Variants in UBFD1 observed in about 807,000 individuals in gnomAD.
UBFD1 encodes ubiquitin family domain containing 1.
Under a neutral mutation model 35.1 loss-of-function variants are expected in UBFD1, and 12 were observed. That is an observed-to-expected ratio of 0.34 (90% confidence interval 0.22 to 0.55). The LOEUF (loss-of-function observed/expected upper bound fraction) is 0.55, where lower values mean the gene tolerates loss of function less well. UBFD1 is among the 20% of genes least tolerant of loss of function. UBFD1 has a pLI of 0.89. For missense variants in UBFD1, 337 were observed against 410.8 expected (o/e 0.82, Z 1.55); for synonymous variants, 178 against 167.6 (o/e 1.06, Z -0.48).
At chr16:23,564,124 G>A (rs905786259) in intron 5 of UBFD1, 2 of 152,216 alleles carry the variant, frequency 1.3e-5, no homozygotes, top group Non-Finnish European at 2.9e-5. Flanking sequence ...ATGCTAAAGA[G>A]AAGTATAGGG....
chr16:23,559,619 T>C lies in UBFD1; in HGVS notation c.507T>C (p.Ala169=). 1 of 1,614,254 alleles carries C rather than the reference T, an allele frequency of 6.2e-7. No homozygotes were observed. Among genetic ancestry groups the C allele is most frequent in the Non-Finnish European group, 8.5e-7 (1 of 1,180,046 alleles). ...DVLAVNTPKD[A]AQQDAKAEEN... Reference sequence around the variant, plus strand: ...TAGCAGTAAACACACCCAAAGATGCTGCGCAGCAGGATGCAAAGGCCGAAG... The same window carrying C: ...TAGCAGTAAACACACCCAAAGATGCCGCGCAGCAGGATGCAAAGGCCGAAG... The change falls in exon 3 of 7, where the codon GCT becomes GCC. Residue 169 remains alanine, a synonymous_variant. Coordinates refer to ENST00000395878, the MANE Select transcript of UBFD1 (RefSeq NM_019116.3).
intron 3 of UBFD1, chr16:23,561,866 C>A: frequency 5.1e-6 from 1 of 197,432 alleles, no homozygotes. Context: ...ATCTGGAAAT[C>A]CCGTTTGCTG....
At chr16:23,558,617 A>C in intron 2 of UBFD1, among the ~76,000 whole-genome samples, 1 of 152,170 alleles carries the variant, frequency 6.6e-6, no homozygotes, top group Non-Finnish European at 1.5e-5. Flanking sequence ...TGGGTCTGGG[A>C]TGTAGCCAGG....
intron 2 of UBFD1, 101 bp downstream of exon 2, chr16:23,558,380 C>G (rs965441171): frequency 7.0e-7 from 1 of 1,420,072 alleles, no homozygotes; most frequent in African/African-American, 1.5e-5. Context: ...TCAGGTCCCC[C>G]CATCCTTACA....
intron 5 of UBFD1, chr16:23,564,159 G>A (rs532627568): frequency 2.0e-5 from 3 of 152,284 alleles, no homozygotes; most frequent in African/African-American, 7.2e-5. Flanking sequence ...ACGTTCACTG[G>A]TTTCAGGGAC....
intron 5 of UBFD1, chr16:23,566,589 T>G: frequency 6.2e-6 from 1 of 161,320 alleles, no homozygotes; most frequent in African/African-American, 2.4e-5. Flanking sequence ...CTCGAACTCC[T>G]GATCTCAGGT....
chr16:23,557,892 C>A, intron 1 of UBFD1, 58 bp from the exon 2 acceptor site: 1 of 1,272,546 alleles, frequency 7.9e-7, no homozygotes, highest in Non-Finnish European at 9.9e-7. Flanking sequence ...GGCGCCCGGA[C>A]AGCGTCCGTT....
At chr16:23,558,554 T>C (rs952905768) in intron 2 of UBFD1, among the ~76,000 whole-genome samples, 11 of 152,184 alleles carry the variant, frequency 7.2e-5, no homozygotes, top group African/African-American at 2.2e-4. Flanking sequence ...AAAAATCACC[T>C]AAGGCGCTTG....
intron 6 of UBFD1, among the ~76,000 whole-genome samples, chr16:23,568,220 C>T (rs1419792951): frequency 1.4e-5 from 2 of 139,002 alleles, no homozygotes; most frequent in African/African-American, 2.7e-5. Flanking sequence ...AGTGCAGTGG[C>T]GCTATCTCGG....
In UBFD1 at chr16:23,573,096, C is replaced by T. The variant is rs1171150432; in HGVS notation, c.*2506C>T. 1.3e-5 allele frequency: 2 copies of T among 152,206 alleles called. No homozygotes were observed. Among genetic ancestry groups the T allele is most frequent in the African/African-American group, 4.8e-5 (2 of 41,452 alleles). The allele number at this position is 152,206 out of a possible 1,614,324, so 9.4% of individuals were successfully genotyped here. On this transcript the variant is annotated 3_prime_UTR_variant, in exon 7 of 7. Coordinates refer to ENST00000395878, the MANE Select transcript of UBFD1 (RefSeq NM_019116.3). ...AAATCTGTGTAAGCAAATTGAAATA[C>T]TCTTTCTTTTAGGTAGCGTCACAGT... is the stretch of plus-strand genomic sequence containing the variant.
intron 3 of UBFD1, chr16:23,561,721 G>A (rs1317937168): frequency 6.6e-6 from 1 of 152,408 alleles, no homozygotes; most frequent in Non-Finnish European, 1.5e-5. Context: ...AGTGTTCTCT[G>A]GAAGTTTAAG....
In UBFD1 at chr16:23,572,443, G is replaced by A. The variant is rs768216958; in HGVS notation, c.*1853G>A. ...GATGCATTAAGTAGAACATCATCTC[G>A]GGTCAGACATTGCCCCTTTTGTTTG... On this transcript the variant is annotated 3_prime_UTR_variant, in exon 7 of 7. Transcript: ENST00000395878. The A allele has an allele frequency of 2.0e-5, 3 of 152,374 alleles. No individual in the cohort carries two copies. Among genetic ancestry groups the A allele is most frequent in the East Asian group, 3.8e-4 (2 of 5,198 alleles). 9.4% of individuals were successfully genotyped at this position (152,374 alleles called of 1,614,324 possible).
chr16:23,562,320 G>T (rs372639978), intron 4 of UBFD1, 49 bp downstream of exon 4: 2 of 1,563,816 alleles, frequency 1.3e-6, no homozygotes, highest in African/African-American at 1.4e-5. Context: ...CAGCCCCACC[G>T]TCTGACTTGA....
At chr16:23,559,975 T>A (rs1965905801) in intron 3 of UBFD1, 2 of 1,155,992 alleles carry the variant, frequency 1.7e-6, no homozygotes, top group Non-Finnish European at 2.4e-6. Context: ...TCTTATTTAG[T>A]GCCAGAGAAA....
intron 5 of UBFD1, 124 bp downstream of exon 5, chr16:23,562,854 T>C (rs1724462210): frequency 3.6e-6 from 3 of 837,106 alleles, no homozygotes; most frequent in South Asian, 1.5e-5. Context: ...CTTTGCTTGC[T>C]TCTGGCTTTT....
intron 2 of UBFD1, chr16:23,559,148 ATT>A (rs1470179096): frequency 4.4e-6 from 1 of 224,808 alleles, no homozygotes; most frequent in Non-Finnish European, 8.9e-6. Context: ...TATGTGAATG[ATT>A]TAGATGACTG....
chr16:23,567,351 G>A (rs1275499746), intron 6 of UBFD1, among the ~76,000 whole-genome samples: 1 of 152,120 alleles, frequency 6.6e-6, no homozygotes, highest in Non-Finnish European at 1.5e-5. Context: ...CCCTCTTGTC[G>A]TGTGTTGTTT....
chr16:23,572,313 T>C lies in UBFD1; in HGVS notation c.*1723T>C, dbSNP rs1001271390. On this transcript the variant is annotated 3_prime_UTR_variant, in exon 7 of 7. Coordinates refer to ENST00000395878, the MANE Select transcript of UBFD1 (RefSeq NM_019116.3). ...CATCCCTTGAGAAAGGAGCAGTCAT[T>C]GCAGCTTTTCTGTCCTTGTCGGCCT... 4 of 152,302 alleles carry C rather than the reference T, an allele frequency of 2.6e-5. No individual in the cohort carries two copies. The highest frequency in any genetic ancestry group is 7.2e-5 in the African/African-American group (3 of 41,464). 9.4% of individuals were successfully genotyped at this position (152,302 alleles called of 1,614,324 possible).
rs1277953856 is a variant in UBFD1 at position 23,557,991 on chromosome 16, G to A, written c.67G>A (p.Ala23Thr). 45 of 1,370,204 alleles carry A rather than the reference G, an allele frequency of 3.3e-5. No individual in the cohort carries two copies. The highest frequency in any genetic ancestry group is 4.2e-5 in the Non-Finnish European group (45 of 1,065,198). The allele number at this position is 1,370,204 out of a possible 1,614,324, so 84.9% of individuals were successfully genotyped here. Reference protein sequence around the residue: ...PGMDTEAETVATEAPARPVNC... With the variant: ...PGMDTEAETVTTEAPARPVNC... Reference sequence around the variant, plus strand: ...CATGGACACGGAGGCCGAGACTGTGGCTACTGAGGCTCCCGCGCGGCCCGT... The same window carrying A: ...CATGGACACGGAGGCCGAGACTGTGACTACTGAGGCTCCCGCGCGGCCCGT... Residue 23 changes from alanine (A) to threonine (T), a missense_variant, in exon 2 of 7, where the codon GCT becomes ACT. Coordinates refer to ENST00000395878, the MANE Select transcript of UBFD1 (RefSeq NM_019116.3).
Sources: gnomAD v4.1 joint callset for allele counts (sites outside exome capture counted in the v4.1 genomes callset) on GRCh38, gnomAD v4.1.1 for gene constraint, MANE v1.5 for transcripts, NCBI Gene and HGNC (gene_info 2026-07-23, HGNC 2026-07-21) for gene names.